Variants in EGFR observed in about 807,000 individuals in gnomAD.
EGFR encodes the protein avian erythroblastic leukemia viral (v-erb-b) oncogene homolog.
In EGFR, 58 loss-of-function variants were observed where a neutral mutation model predicts 143.0. The ratio of observed to expected loss-of-function variants is 0.41; its 90% CI spans 0.33 to 0.50. The LOEUF is 0.50. Ranked by LOEUF, EGFR falls within the 20% of genes least tolerant of loss-of-function variation. EGFR has a pLI of 0.39. For missense variants in EGFR, 1,307 were observed against 1,579.0 expected (o/e 0.83, Z 2.92); for synonymous variants, 613 against 594.4 (o/e 1.03, Z -0.45).
At chr7:55,100,559 T>G (rs1791750962) in intron 1 of EGFR, among the ~76,000 whole-genome samples, 2 of 152,234 alleles carry the variant, frequency 1.3e-5, no homozygotes, top group Admixed American at 6.5e-5. Context: ...TGCAGCTGTT[T>G]ACTGCAGAGT....
intron 1 of EGFR, among the ~76,000 whole-genome samples, chr7:55,140,042 G>T (rs1794372661): frequency 6.6e-6 from 1 of 151,590 alleles, no homozygotes; most frequent in Non-Finnish European, 1.5e-5. Context: ...AAGCCCTGAA[G>T]GGGCTTTTGG....
chr7:55,061,283 C>A (rs1789149836), intron 1 of EGFR, among the ~76,000 whole-genome samples: 1 of 152,190 alleles, frequency 6.6e-6, no homozygotes, highest in South Asian at 2.1e-4. Flanking sequence ...GGGAAGGCTC[C>A]AGGCCTTCAC....
At chr7:55,089,330 T>C (rs1790963087) in intron 1 of EGFR, among the ~76,000 whole-genome samples, 1 of 152,240 alleles carries the variant, frequency 6.6e-6, no homozygotes, top group Non-Finnish European at 1.5e-5. Flanking sequence ...TACTTCTCTG[T>C]GCACGCAAAG....
chr7:55,187,749 T>A (rs1464159505), intron 20 of EGFR, among the ~76,000 whole-genome samples: 1 of 151,766 alleles, frequency 6.6e-6, no homozygotes, highest in African/African-American at 2.4e-5. Context: ...CTTCATCAGA[T>A]CCGTAGTTTC....
At position 55,155,954 on chromosome 7, in the gene EGFR, G is replaced by T; in HGVS notation, c.1006+8G>T. 1 of 1,604,814 alleles carries T rather than the reference G, an allele frequency of 6.2e-7. No individual in the cohort carries two copies. The highest frequency in any genetic ancestry group is 8.5e-7 in the Non-Finnish European group (1 of 1,174,286). ...AAGGGCCTTGCCGCAAAGGTAGGAA[G>T]CCCGCCGGTGTGCGGACGAGGCTTG... is the stretch of plus-strand genomic sequence containing the variant. On this transcript the variant is annotated splice_region_variant and intron_variant, in intron 8 of 27. Transcript: ENST00000275493.
intron 1 of EGFR, among the ~76,000 whole-genome samples, chr7:55,102,678 G>A (rs879777969): frequency 2.0e-5 from 3 of 152,110 alleles, no homozygotes; most frequent in Non-Finnish European, 4.4e-5. Flanking sequence ...CAACTCTTTA[G>A]GGTCAGAATT....
intron 1 of EGFR, among the ~76,000 whole-genome samples, chr7:55,120,836 GT>G (rs1793159040): frequency 1.3e-5 from 2 of 152,154 alleles, no homozygotes; most frequent in African/African-American, 4.8e-5. Flanking sequence ...TAAAGACATT[GT>G]TAACATTGCT....
intron 1 of EGFR, among the ~76,000 whole-genome samples, chr7:55,072,009 A>G (rs1789860556): frequency 6.6e-6 from 1 of 151,832 alleles, no homozygotes. Flanking sequence ...AAAATGGAGT[A>G]GAGAGACCTG....
At chr7:55,194,583 C>T (rs1242588554) in intron 22 of EGFR, among the ~76,000 whole-genome samples, 1 of 152,212 alleles carries the variant, frequency 6.6e-6, no homozygotes, top group Non-Finnish European at 1.5e-5. Flanking sequence ...GAGCACCTGG[C>T]CATGACTGAT....
At chr7:55,026,410 G>A (rs537128605) in intron 1 of EGFR, among the ~76,000 whole-genome samples, 2 of 152,242 alleles carry the variant, frequency 1.3e-5, no homozygotes, top group African/African-American at 4.8e-5. Flanking sequence ...GGTCTGGCTC[G>A]ACAGAGCAGG....
At chr7:55,083,378 G>T (rs1583994877) in intron 1 of EGFR, among the ~76,000 whole-genome samples, 1 of 152,166 alleles carries the variant, frequency 6.6e-6, no homozygotes, top group Admixed American at 6.5e-5. Context: ...TCCAGTAAAG[G>T]GTTTCCCTGG....
chr7:55,189,483 A>G (rs895448431), intron 20 of EGFR, among the ~76,000 whole-genome samples: 2 of 152,232 alleles, frequency 1.3e-5, no homozygotes, highest in African/African-American at 4.8e-5. Context: ...TGTGCCCAGT[A>G]TACCAAAATC....
chr7:55,204,530 A>G (rs1283173851), intron 27 of EGFR, among the ~76,000 whole-genome samples: 1 of 143,184 alleles, frequency 7.0e-6, no homozygotes, highest in Non-Finnish European at 1.5e-5. Flanking sequence ...CACCCCACAC[A>G]TACGCATATA....
chr7:55,156,858 A>G (rs1019795074), intron 10 of EGFR, 26 bp downstream of exon 10: 29 of 1,614,236 alleles, frequency 1.8e-5, no homozygotes, highest in Non-Finnish European at 2.5e-5. Context: ...TCACATGAAT[A>G]TAAATGGGAA....
At chr7:55,033,971 G>A (rs1361198902) in intron 1 of EGFR, among the ~76,000 whole-genome samples, 2 of 152,024 alleles carry the variant, frequency 1.3e-5, no homozygotes, top group Non-Finnish European at 2.9e-5. Flanking sequence ...ACTGTGACTG[G>A]CCCATTTCTT....
chr7:55,048,153 A>T (rs561322254), intron 1 of EGFR, among the ~76,000 whole-genome samples: 1 of 152,270 alleles, frequency 6.6e-6, no homozygotes, highest in African/African-American at 2.4e-5. Context: ...AGATGATAAT[A>T]AAAAAATCCT....
intron 18 of EGFR, 84 bp from the exon 19 acceptor site, chr7:55,174,637 TG>T: frequency 8.5e-7 from 1 of 1,172,730 alleles, no homozygotes; most frequent in Non-Finnish European, 1.3e-6. Flanking sequence ...GGTGCATCGC[TG>T]GTAACATCCA....
chr7:55,168,388 T>C, intron 15 of EGFR: 2 of 703,418 alleles, frequency 2.8e-6, no homozygotes, highest in Non-Finnish European at 5.2e-6. Flanking sequence ...CAGAAAGTGA[T>C]TGGGTTTTGG....
rs10228436 is a variant in EGFR at position 55,170,575 on chromosome 7, G to T, written c.1881-600G>T. 9.3e-6 allele frequency: 15 copies of T among 1,610,422 alleles called. No individual in the cohort carries two copies. Among genetic ancestry groups the T allele is most frequent in the Non-Finnish European group, 1.1e-5 (13 of 1,179,894 alleles). ...ATGCCTTCACGTGTCTGTTCCCCCCGCTTTTCCTTTCTGCCACCCCTGCAC... is the reference window on the plus strand; with the variant it reads ...ATGCCTTCACGTGTCTGTTCCCCCCTCTTTTCCTTTCTGCCACCCCTGCAC... On this transcript the variant is annotated intron_variant, in intron 15 of 27. Transcript: ENST00000275493.
Sources: allele counts gnomAD v4.1 joint callset (sites outside exome capture counted in the v4.1 genomes callset), GRCh38; gene constraint gnomAD v4.1.1; transcripts MANE v1.5; gene names NCBI Gene and HGNC (gene_info 2026-07-23, HGNC 2026-07-21).